The following ZNF33B variants were observed in gnomAD, a reference collection of about 807,000 sequenced individuals.
ZNF33B encodes the protein zinc finger protein 33B.
A neutral mutation model predicts 45.8 loss-of-function variants in ZNF33B; 29 were observed. The ratio of observed to expected loss-of-function variants is 0.63; its 90% CI spans 0.47 to 0.86. ZNF33B has a LOEUF of 0.86. Ranked by LOEUF, ZNF33B falls within the 40% of genes least tolerant of loss-of-function variation. The pLI is 0.00. For synonymous variants in ZNF33B, 305 were observed against 307.8 expected, an observed-to-expected ratio of 0.99 and a Z score of 0.10; for missense variants, 831 against 909.9, an observed-to-expected ratio of 0.91 and a Z score of 1.12.
intron 4 of ZNF33B, among the ~76,000 whole-genome samples, chr10:42,608,555 CAAA>C (rs1837961878): frequency 6.6e-6 from 1 of 151,308 alleles, no homozygotes; most frequent in Non-Finnish European, 1.5e-5. Context: ...AAAAAAAAGT[CAAA>C]GAAGCAATAA....
At chr10:42,601,930 T>TTG (rs1564506084) in intron 4 of ZNF33B, among the ~76,000 whole-genome samples, 8 of 76,698 alleles carry the variant, frequency 1.0e-4, no homozygotes, top group Admixed American at 3.1e-4. Context: ...TTTTTTTTTT[T>TTG]GGGGGGAGAC....
At chr10:42,638,377 G>A (rs1441982062) in intron 1 of ZNF33B, 97 bp downstream of exon 1, 3 of 333,042 alleles carry the variant, frequency 9.0e-6, no homozygotes, top group Middle Eastern at 8.2e-4. Context: ...GAGGTCCCCG[G>A]GACTCCTCGC....
downstream of ZNF33B, among the ~76,000 whole-genome samples, chr10:42,588,843 G>A (rs1836990532): frequency 6.6e-6 from 1 of 152,194 alleles, no homozygotes; most frequent in Non-Finnish European, 1.5e-5. Context: ...CCCTGACAGG[G>A]AGGACTGTCT....
At chr10:42,609,737 T>C (rs1838025154) in intron 4 of ZNF33B, among the ~76,000 whole-genome samples, 1 of 152,210 alleles carries the variant, frequency 6.6e-6, no homozygotes, top group African/African-American at 2.4e-5. Flanking sequence ...GGATTTATAC[T>C]AGTAAGGCAA....
chr10:42,625,734 A>G (rs1344949957), intron 4 of ZNF33B, among the ~76,000 whole-genome samples: 1 of 152,228 alleles, frequency 6.6e-6, no homozygotes, highest in Non-Finnish European at 1.5e-5. Flanking sequence ...CGGCCTCCCA[A>G]AGTACTGGGA....
At chr10:42,636,517 C>T (rs1839307849) in intron 2 of ZNF33B, among the ~76,000 whole-genome samples, 1 of 152,150 alleles carries the variant, frequency 6.6e-6, no homozygotes, top group Non-Finnish European at 1.5e-5. Flanking sequence ...TTACTAATTT[C>T]TCATCTTAAC....
chr10:42,633,851 C>A (rs1264415030), intron 2 of ZNF33B, among the ~76,000 whole-genome samples: 1 of 151,926 alleles, frequency 6.6e-6, no homozygotes, highest in Non-Finnish European at 1.5e-5. Context: ...CACCTGTAAT[C>A]CCAGCTACTC....
Position 42,634,863 on chromosome 10 carries a change from G to A in ZNF33B, c.9+2057C>T, listed in dbSNP as rs538712026. 1.5e-4 allele frequency among the ~76,000 whole-genome samples: 23 copies of A among 152,290 alleles called. No individual in the cohort carries two copies. In the South Asian group the frequency reaches 4.1e-3, roughly 27 times the overall value. ...GATTATCTTCATGACCTCAAAGTAG[G>A]TAAAGTCATCTAAAATAGCACACAC... On this transcript the variant is annotated intron_variant, in intron 2 of 4. Transcript: ENST00000359467.
chr10:42,612,381 C>G (rs138485635), intron 4 of ZNF33B, among the ~76,000 whole-genome samples: 190 of 151,998 alleles, frequency 1.3e-3, no homozygotes, highest in Admixed American at 3.5e-3. Flanking sequence ...GGAATACAGG[C>G]GTGCTTCACC....
chr10:42,632,849 G>T (rs999878539), intron 2 of ZNF33B: 1 of 201,986 alleles, frequency 5.0e-6, no homozygotes, highest in Non-Finnish European at 9.9e-6. Flanking sequence ...ACTCTATTAC[G>T]TCCTTCATAA....
downstream of ZNF33B, among the ~76,000 whole-genome samples, chr10:42,586,974 G>A (rs1219281344): frequency 2.7e-5 from 4 of 146,536 alleles, no homozygotes; most frequent in Admixed American, 6.8e-5. Context: ...ACAAGGTCTC[G>A]GCTTCCAAGG....
chr10:42,627,151 GCAC>G (rs34680292), intron 4 of ZNF33B, among the ~76,000 whole-genome samples: 46,195 of 151,666 alleles, frequency 0.3, 7,913 homozygotes, highest in East Asian at 0.45. Context: ...TTACAGGCGT[GCAC>G]CACCACACCA....
intron 1 of ZNF33B, chr10:42,583,316 C>T (rs527866816): frequency 2.3e-5 from 10 of 430,344 alleles, no homozygotes; most frequent in South Asian, 1.9e-4. Flanking sequence ...GAACCGATTC[C>T]CTGGAACTGC....
chr10:42,593,424 T>C lies in ZNF33B; in HGVS notation c.1526A>G (p.Lys509Arg), dbSNP rs1837240207. ...TATCTGATGCCTGGTGAGTACTGAC[T>C]TGTGGTAGAAAGTTTTCCCACATGC... The part of the protein sequence containing the change: ...CNACGKTFYH[K>R]SVLTRHQIIH... Residue 509 changes from lysine to arginine, a missense_variant, in exon 5 of 5, where the codon AAG becomes AGG. By Grantham distance (26) the Lys-to-Arg change is conservative. Transcript: ENST00000359467. 8 of 1,613,964 alleles carry C rather than the reference T, an allele frequency of 5.0e-6. No homozygotes were observed. The highest frequency in any genetic ancestry group is 6.8e-6 in the Non-Finnish European group (8 of 1,179,988).
Position 42,598,588 on chromosome 10 carries a change from A to G in ZNF33B, c.251-3889T>C, listed in dbSNP as rs747369267. 5.3e-5 allele frequency among the ~76,000 whole-genome samples: 8 copies of G among 152,366 alleles called. 1 individual carries two copies. In the Middle Eastern group the frequency reaches 0.01, roughly 194 times the overall value. ...AGATAAAACTGTGAAGAACTTCAAG[A>G]TGGCAACAGCAGGGCATTAAGTGAA... is the stretch of plus-strand genomic sequence containing the variant. On this transcript the variant is annotated intron_variant, in intron 4 of 4. Coordinates refer to ENST00000359467, the MANE Select transcript of ZNF33B (RefSeq NM_006955.3).
At chr10:42,617,258 C>T (rs1838367492) in intron 4 of ZNF33B, among the ~76,000 whole-genome samples, 1 of 151,634 alleles carries the variant, frequency 6.6e-6, no homozygotes, top group Non-Finnish European at 1.5e-5. Flanking sequence ...CACGCACCAC[C>T]ACACCTGGCT....
At chr10:42,638,432 CG>C (rs1342513917) in intron 1 of ZNF33B, 41 bp downstream of exon 1, 10 of 346,430 alleles carry the variant, frequency 2.9e-5, no homozygotes, top group Non-Finnish European at 5.7e-5. Flanking sequence ...TGGAGTCGCG[CG>C]GGGCCCCCTC....
At chr10:42,620,578 T>G (rs2132124951) in intron 4 of ZNF33B, among the ~76,000 whole-genome samples, 1 of 151,968 alleles carries the variant, frequency 6.6e-6, no homozygotes, top group South Asian at 2.1e-4. Context: ...TTTTTTTTTT[T>G]TTAATTTTTT....
intron 2 of ZNF33B, among the ~76,000 whole-genome samples, chr10:42,633,965 C>A: frequency 1.9e-5 from 1 of 51,944 alleles, no homozygotes. Context: ...AGCAAAACTC[C>A]ATCTCAAAAA....
Sources: gnomAD v4.1 joint callset for allele counts (sites outside exome capture counted in the v4.1 genomes callset) on GRCh38, gnomAD v4.1.1 for gene constraint, MANE v1.5 for transcripts, NCBI Gene and HGNC (gene_info 2026-07-23, HGNC 2026-07-21) for gene names.